The following ARHGEF2 variants were observed in gnomAD, a reference collection of about 807,000 sequenced individuals.
The protein encoded by ARHGEF2 is rho guanine nucleotide exchange factor 2.
ARHGEF2 carries 22 observed loss-of-function variants against 121.0 expected under a neutral mutation model. The ratio of observed to expected loss-of-function variants is 0.18; its 90% CI spans 0.13 to 0.26. The LOEUF is 0.26. Among genes scored for constraint, ARHGEF2 ranks in the 10% least tolerant of loss-of-function variants. The probability of loss-of-function intolerance (pLI) is 1.00; values close to 1 mark genes in which losing one functional copy is unlikely to be tolerated. For missense variants in ARHGEF2, 907 were observed against 1,336.0 expected (o/e 0.68, Z 5.01); for synonymous variants, 487 against 530.0 (o/e 0.92, Z 1.11).
intron 2 of ARHGEF2, among the ~76,000 whole-genome samples, chr1:155,967,185 G>A (rs1232286124): frequency 6.6e-6 from 1 of 152,158 alleles, no homozygotes; most frequent in Non-Finnish European, 1.5e-5. Context: ...GGGGTCACTG[G>A]CTGCCAGAGA....
At position 155,975,618 on chromosome 1, in the gene ARHGEF2, C is replaced by A. The variant is rs185461316; in HGVS notation, c.63+2747G>T. Among the ~76,000 whole-genome samples the A allele has an allele frequency of 1.3e-4, 20 of 152,240 alleles. 1 individual carries two copies. The East Asian group carries it at 3.5e-3, about 26-fold the overall frequency. The stretch of plus-strand genomic sequence containing the variant: ...TCAGCCCTCTCAGCTCCCTCCTGGG[C>A]TCCCCCAGCTCTCCTCTCCACTGCA... On this transcript the variant is annotated intron_variant, in intron 1 of 21. Coordinates refer to ENST00000361247, the MANE Select transcript of ARHGEF2 (RefSeq NM_001162383.2).
Position 155,951,316 on chromosome 1 carries a change from G to A in ARHGEF2, c.2260-44C>T. 6.4e-7 allele frequency: 1 copy of A among 1,569,522 alleles called. No homozygotes were observed. Among genetic ancestry groups the A allele is most frequent in the South Asian group, 1.2e-5 (1 of 85,448 alleles). On this transcript the variant is annotated intron_variant, in intron 19 of 21. Coordinates refer to ENST00000361247, the MANE Select transcript of ARHGEF2 (RefSeq NM_001162383.2). This position sits in a 1 kb window ranked among gnomAD's most constrained non-coding sequence, Gnocchi z 5.1. ...CAGAAGGGTTTATCAGAACCCCTGT[G>A]CTCTTCTACCCCTCGCCTTCACCCT...
At chr1:155,954,567 C>T (rs1169178148) in intron 14 of ARHGEF2, among the ~76,000 whole-genome samples, 1 of 147,184 alleles carries the variant, frequency 6.8e-6, no homozygotes, top group Non-Finnish European at 1.5e-5. Context: ...GGATTACAGG[C>T]GTGAGCCACC....
chr1:155,966,557 G>C, intron 3 of ARHGEF2, 78 bp from the exon 4 acceptor site: 1 of 1,522,838 alleles, frequency 6.6e-7, no homozygotes, highest in Non-Finnish European at 9.1e-7. Context: ...TGGGACAGGA[G>C]CTAGGTGGCC....
chr1:155,963,537 G>C (rs1032142563), intron 7 of ARHGEF2, among the ~76,000 whole-genome samples: 4 of 150,788 alleles, frequency 2.7e-5, no homozygotes, highest in African/African-American at 9.8e-5. Context: ...GTAGAGATGG[G>C]GTTTCTTCAT....
At chr1:155,964,123 C>T (rs1236613651) in intron 7 of ARHGEF2, among the ~76,000 whole-genome samples, 5 of 121,442 alleles carry the variant, frequency 4.1e-5, no homozygotes, top group East Asian at 4.7e-4. Flanking sequence ...CCAGCATGGG[C>T]GACAGAGCAA....
chr1:155,953,044 C>T (rs1026399075), intron 14 of ARHGEF2, among the ~76,000 whole-genome samples: 1 of 152,128 alleles, frequency 6.6e-6, no homozygotes, highest in Non-Finnish European at 1.5e-5. Flanking sequence ...GCAGGTGGAT[C>T]GCTTGAGGCC....
chr1:155,952,698 C>T lies in ARHGEF2; in HGVS notation c.1914G>A (p.Arg638=). The stretch of plus-strand genomic sequence containing the variant: ...CAAGGGACTCAGAGCGGAAAAGGCC[C>T]CTGGGCAGGGTGGGCAGGGCCATCC... ...GSGMALPTLP[R]GLFRSESLES... is the part of the protein sequence containing the mutation. The change falls in exon 15 of 22, where the codon AGG becomes AGA. Residue 638 remains arginine, a synonymous_variant. Coordinates refer to ENST00000361247, the MANE Select transcript of ARHGEF2 (RefSeq NM_001162383.2). 1 of 1,614,184 alleles carries T rather than the reference C, an allele frequency of 6.2e-7. No homozygotes were observed. The highest frequency in any genetic ancestry group is 8.5e-7 in the Non-Finnish European group (1 of 1,180,020).
chr1:155,957,478 T>C (rs1007452121), intron 13 of ARHGEF2, among the ~76,000 whole-genome samples: 2 of 152,244 alleles, frequency 1.3e-5, no homozygotes, highest in African/African-American at 4.8e-5. Context: ...TTCCCTTGCT[T>C]GTCAGCTCAT....
intron 12 of ARHGEF2, 45 bp from the exon 13 acceptor site, chr1:155,957,927 C>A: frequency 1.3e-6 from 2 of 1,587,168 alleles, no homozygotes; most frequent in South Asian, 1.1e-5. Context: ...GAATCCTGTC[C>A]CTTGGCATAT....
rs542328705 is a variant in ARHGEF2 at position 155,966,446 on chromosome 1, C to T, written c.310G>A (p.Ala104Thr). The T allele has an allele frequency of 1.9e-6, 3 of 1,614,092 alleles. No homozygotes were observed. Among genetic ancestry groups the T allele is most frequent in the African/African-American group, 2.7e-5 (2 of 75,014 alleles). Residue 104 changes from alanine to threonine, a missense_variant, in exon 4 of 22, where the codon GCC becomes ACC. Ala to Thr is a moderately conservative substitution (Grantham distance 58, BLOSUM62 0). Around this residue, in one of 2 missense-constraint regions of ARHGEF2, gnomAD observed 475 missense variants for 776.5 expected, o/e 0.61. Transcript: ENST00000361247. ...QKAALLKNNTALQSVSLRSKT... is the reference protein window; with the variant it reads ...QKAALLKNNTTLQSVSLRSKT... The stretch of plus-strand genomic sequence containing the variant: ...CTTCGAAGAGAAACGGACTGCAAGG[C>T]GGTGTTGTTCTTCAGCAGGGCCGCT...
rs1214914106 is a variant in ARHGEF2, at chr1:155,951,041, C to T, written c.2491G>A (p.Glu831Lys). 1.2e-6 allele frequency: 2 copies of T among 1,602,288 alleles called. No homozygotes were observed. The highest frequency in any genetic ancestry group is 2.3e-5 in the East Asian group (1 of 44,384). The change falls in exon 20 of 22, where the codon GAA becomes AAA. Residue 831 changes from glutamate to lysine, a missense_variant. Coordinates refer to ENST00000361247, the MANE Select transcript of ARHGEF2 (RefSeq NM_001162383.2). This position sits in a 1 kb window ranked among gnomAD's most constrained non-coding sequence, Gnocchi z 5.1. ...AGCCGGGCCTCCAGGCTGCCAGCTT[C>T]GGTTGCCCGTTCTTCACCTAGCCGC... is the stretch of plus-strand genomic sequence containing the variant. ...CRRLGEERATEAGSLEARLRE... is the reference protein window; with the variant it reads ...CRRLGEERATKAGSLEARLRE...
In ARHGEF2 at chr1:155,962,013, A is replaced by AC; in HGVS notation, c.1219+91dup. ...CTTTAGAGGCTGCCCAGGGTTTCAC[A>AC]CCCGACCCCACCCTTCCTGTGGTCA... On this transcript the variant is annotated intron_variant, in intron 10 of 21. Transcript: ENST00000361247. The surrounding 1 kb of genome is among the most constrained non-coding windows in gnomAD (Gnocchi z 5.8). The AC allele has an allele frequency of 6.2e-7, 1 of 1,600,910 alleles. No homozygotes were observed. The highest frequency in any genetic ancestry group is 8.5e-7 in the Non-Finnish European group (1 of 1,170,870).
chr1:155,975,947 A>G (rs1379973405), intron 1 of ARHGEF2, among the ~76,000 whole-genome samples: 6 of 152,190 alleles, frequency 3.9e-5, no homozygotes, highest in African/African-American at 1.4e-4. Context: ...GAGGAGGTGG[A>G]GGACTGAAGA....
chr1:155,974,895 A>C (rs771158229), intron 1 of ARHGEF2, among the ~76,000 whole-genome samples: 8 of 151,972 alleles, frequency 5.3e-5, no homozygotes, highest in Non-Finnish European at 8.8e-5. Flanking sequence ...TGTGCAAGTG[A>C]ACAATAGCTG....
intron 12 of ARHGEF2, 142 bp downstream of exon 12, chr1:155,958,178 A>G: frequency 2.9e-6 from 2 of 700,456 alleles, no homozygotes; most frequent in Non-Finnish European, 4.9e-6. Context: ...AGCTGCTCTT[A>G]TTTTTTATTA....
At position 155,947,302 on chromosome 1, in the gene ARHGEF2, A is replaced by G. The variant is rs1325318215; in HGVS notation, c.*640T>C. The G allele has an allele frequency of 2.2e-6, 1 of 450,548 alleles. No individual in the cohort carries two copies. The highest frequency in any genetic ancestry group is 2.4e-5 in the Admixed American group (1 of 41,144). The allele number at this position is 450,548 out of a possible 1,614,324, so 27.9% of individuals were successfully genotyped here. A position where few individuals can be genotyped will look rare whatever the true frequency, so the allele number is the denominator to read the frequency against. ...CTGGTCCCTGTGGGTTTTTTCCCTC[A>G]CCCCCAACAAACCATTATGGCCACC... is the stretch of plus-strand genomic sequence containing the variant. On this transcript the variant is annotated 3_prime_UTR_variant, in exon 22 of 22. Transcript: ENST00000361247.
rs926226291 is a variant in ARHGEF2 at position 155,961,274 on chromosome 1, CTT to C, written c.1468+385_1468+386del. On this transcript the variant is annotated intron_variant, in intron 11 of 21. Transcript: ENST00000361247. The surrounding 1 kb of genome is among the most constrained non-coding windows in gnomAD (Gnocchi z 4.7). Reference sequence around the variant, plus strand: ...TGGGCTGCATAAAGGGAGGTTGATTCTTTTTTTTTTTTTTTTTTGAGATGGAG... The same window carrying C: ...TGGGCTGCATAAAGGGAGGTTGATTCTTTTTTTTTTTTTTTTGAGATGGAG... Among the ~76,000 whole-genome samples, 31 of 131,320 alleles carry C rather than the reference CTT, an allele frequency of 2.4e-4. No individual in the cohort carries two copies. Among genetic ancestry groups the C allele is most frequent in the Admixed American group, 2.3e-4 (3 of 13,110 alleles). The allele number at this position is 131,320 out of a possible 152,430, so 86.2% of individuals were successfully genotyped here.
chr1:155,957,563 T>G, intron 13 of ARHGEF2, 150 bp downstream of exon 13: 1 of 854,510 alleles, frequency 1.2e-6, no homozygotes, highest in South Asian at 2.0e-5. Flanking sequence ...ATAGGTGACC[T>G]TTCCAGTCTT....
Sources: gnomAD v4.1 joint callset for allele counts (sites outside exome capture counted in the v4.1 genomes callset) on GRCh38, gnomAD v4.1.1 for gene constraint, gnomAD v4.1.1 regional missense constraint, Gnocchi (gnomAD v3.1) non-coding constraint, MANE v1.5 for transcripts, NCBI Gene and HGNC (gene_info 2026-07-23, HGNC 2026-07-21) for gene names.